The following CUX1 variants were observed in gnomAD, a reference collection of about 807,000 sequenced individuals.
CUX1 encodes cut like homeobox 1.
A neutral mutation model predicts 158.8 loss-of-function variants in CUX1; 31 were observed. That is an observed-to-expected ratio of 0.20 (90% CI 0.15 to 0.26). The LOEUF (loss-of-function observed/expected upper bound fraction) is 0.26. CUX1 is among the 10% of genes least tolerant of loss of function. CUX1 has a pLI of 1.00. For synonymous variants in CUX1, 879 were observed against 862.1 expected, an observed-to-expected ratio of 1.02 and a Z score of -0.34; for missense variants, 1,589 against 2,014.6, an observed-to-expected ratio of 0.79 and a Z score of 4.04.
intron 1 of CUX1, among the ~76,000 whole-genome samples, chr7:101,903,468 A>G (rs9656073): frequency 0.23 from 34,465 of 152,172 alleles, 5,761 homozygotes; most frequent in East Asian, 0.84. Context: ...AGGCAGAATT[A>G]TGTGTTGTTT....
intron 8 of CUX1, among the ~76,000 whole-genome samples, chr7:102,146,193 T>G (rs1251033745): frequency 2.0e-5 from 3 of 152,170 alleles, no homozygotes; most frequent in Non-Finnish European, 4.4e-5. Context: ...CTGGAGGCAC[T>G]GTGCGGTCTC....
chr7:102,172,250 C>T (rs890500430), intron 10 of CUX1, among the ~76,000 whole-genome samples: 7 of 152,074 alleles, frequency 4.6e-5, no homozygotes, highest in Admixed American at 4.6e-4. Context: ...TACCACCATG[C>T]CCAGCTAATT....
chr7:102,249,599 A>C lies in CUX1; in HGVS notation c.*557A>C. ...AGAAAAAAAATCAAACCCACATATT[A>C]AAAGGGGGCTTTTTATCTGCCATCT... On this transcript the variant is annotated 3_prime_UTR_variant, in exon 24 of 24. Coordinates refer to ENST00000292535, the MANE Select transcript of CUX1 (RefSeq NM_181552.4). 2.0e-6 allele frequency: 2 copies of C among 985,744 alleles called. No homozygotes were observed. Among genetic ancestry groups the C allele is most frequent in the Non-Finnish European group, 1.2e-6 (1 of 829,932 alleles). The allele number at this position is 985,744 out of a possible 1,614,324, so 61.1% of individuals were successfully genotyped here. A position where few individuals can be genotyped will look rare whatever the true frequency, so the allele number is the denominator to read the frequency against.
At chr7:102,102,060 C>T (rs1442727209) in intron 5 of CUX1, among the ~76,000 whole-genome samples, 1 of 152,162 alleles carries the variant, frequency 6.6e-6, no homozygotes, top group Non-Finnish European at 1.5e-5. Flanking sequence ...TTGGCCTCGT[C>T]CGTATGGCTT....
intron 8 of CUX1, among the ~76,000 whole-genome samples, chr7:102,120,347 G>A (rs1471685153): frequency 7.9e-5 from 12 of 152,218 alleles, no homozygotes; most frequent in African/African-American, 2.2e-4. Flanking sequence ...CTCGTGGGCC[G>A]AGGCACTGAG....
chr7:101,996,557 T>C (rs1815924931), intron 2 of CUX1, among the ~76,000 whole-genome samples: 1 of 151,370 alleles, frequency 6.6e-6, no homozygotes, highest in Non-Finnish European at 1.5e-5. Flanking sequence ...CGCACAGTGG[T>C]TTCCAAGGGA....
chr7:102,258,671 G>A (rs1431275691), downstream of CUX1, among the ~76,000 whole-genome samples: 1 of 152,210 alleles, frequency 6.6e-6, no homozygotes, highest in Non-Finnish European at 1.5e-5. Context: ...AGCCCCAATC[G>A]ATGGCACTTG....
At chr7:101,951,880 T>C (rs1352529853) in intron 2 of CUX1, among the ~76,000 whole-genome samples, 2 of 152,270 alleles carry the variant, frequency 1.3e-5, no homozygotes, top group African/African-American at 4.8e-5. Flanking sequence ...GGTAAAATAC[T>C]GTAGGTTTCG....
intron 20 of CUX1, among the ~76,000 whole-genome samples, chr7:102,208,822 G>A (rs782506772): frequency 1.1e-4 from 17 of 152,224 alleles, no homozygotes; most frequent in Non-Finnish European, 2.1e-4. Flanking sequence ...CGCCGTGGTA[G>A]AACCAATGTC....
chr7:102,115,494 A>G (rs538082835), intron 8 of CUX1: 2 of 449,664 alleles, frequency 4.4e-6, no homozygotes, highest in African/African-American at 2.0e-5. Flanking sequence ...GGTCACTGCT[A>G]TGCCTTCTGC....
At chr7:102,041,492 G>A (rs1822089352) in intron 3 of CUX1, among the ~76,000 whole-genome samples, 2 of 151,266 alleles carry the variant, frequency 1.3e-5, no homozygotes, top group South Asian at 4.2e-4. Flanking sequence ...GGCCTCAAGT[G>A]ATCAACCCGC....
chr7:102,175,226 C>G (rs941252945), intron 10 of CUX1, among the ~76,000 whole-genome samples: 1 of 152,194 alleles, frequency 6.6e-6, no homozygotes, highest in Non-Finnish European at 1.5e-5. Flanking sequence ...GCACTGAAAT[C>G]CACACCTTTG....
At chr7:102,005,043 A>G (rs1817153004) in intron 2 of CUX1, among the ~76,000 whole-genome samples, 1 of 152,218 alleles carries the variant, frequency 6.6e-6, no homozygotes, top group South Asian at 2.1e-4. Context: ...GGGAGAGAGC[A>G]TCTGCTGCTA....
intron 1 of CUX1, among the ~76,000 whole-genome samples, chr7:101,859,521 T>C (rs1360948095): frequency 6.6e-6 from 1 of 152,194 alleles, no homozygotes; most frequent in Non-Finnish European, 1.5e-5. Flanking sequence ...AGTGGAGCTG[T>C]AAGGTCACTC....
At chr7:101,834,582 A>G (rs1175083392) in intron 1 of CUX1, among the ~76,000 whole-genome samples, 1 of 152,206 alleles carries the variant, frequency 6.6e-6, no homozygotes. Flanking sequence ...AGTACTCTTG[A>G]AAAGAAATTT....
At chr7:102,189,037 G>T (rs182965156) in intron 11 of CUX1, among the ~76,000 whole-genome samples, 1 of 152,114 alleles carries the variant, frequency 6.6e-6, no homozygotes, top group East Asian at 1.9e-4. Flanking sequence ...CCAAGCACTC[G>T]ACTGAACAGG....
intron 2 of CUX1, among the ~76,000 whole-genome samples, chr7:102,011,875 A>T (rs2129297722): frequency 6.6e-6 from 1 of 151,688 alleles, no homozygotes; most frequent in East Asian, 2.0e-4. Flanking sequence ...CCCAGGCTGG[A>T]GTGCAATGGT....
At chr7:101,946,134 G>A (rs1808332924) in intron 2 of CUX1, among the ~76,000 whole-genome samples, 1 of 152,200 alleles carries the variant, frequency 6.6e-6, no homozygotes, top group African/African-American at 2.4e-5. Flanking sequence ...GACAGACAGA[G>A]TAGAAGAACC....
chr7:102,266,368 C>T (rs1471162880), intron 14 of CUX1, among the ~76,000 whole-genome samples: 2 of 151,880 alleles, frequency 1.3e-5, no homozygotes, highest in Non-Finnish European at 2.9e-5. Flanking sequence ...CTGCAGATGT[C>T]ACCTCCCGAG....
Sources: allele counts gnomAD v4.1 joint callset (sites outside exome capture counted in the v4.1 genomes callset), GRCh38; gene constraint gnomAD v4.1.1; transcripts MANE v1.5; gene names NCBI Gene and HGNC (gene_info 2026-07-23, HGNC 2026-07-21).